The following RBPMS2 variants were observed in gnomAD, a reference collection of about 807,000 sequenced individuals.
The protein encoded by RBPMS2 is RNA binding protein, mRNA processing factor 2, also known as RNA-binding protein with multiple splicing 2.
In RBPMS2, 14 loss-of-function variants were observed where a neutral mutation model predicts 25.7. The observed-to-expected ratio is 0.55, with a 90% CI of 0.36 to 0.85. RBPMS2 has a LOEUF of 0.85. RBPMS2 is among the 40% of genes least tolerant of loss of function. The pLI is 0.01. For missense variants in RBPMS2, 252 were observed against 283.4 expected (o/e 0.89, Z 0.80); for synonymous variants, 127 against 115.6 (o/e 1.10, Z -0.63).
chr15:64,744,971 C>A (rs1345486745), intron 6 of RBPMS2, among the ~76,000 whole-genome samples: 1 of 151,494 alleles, frequency 6.6e-6, no homozygotes, highest in Non-Finnish European at 1.5e-5. Flanking sequence ...CCCGCCACCA[C>A]GCCCAGCTAA....
chr15:64,775,334 GGCGGCGGGAAGGAACGCGAGGGCGAGC>G lies in RBPMS2; in HGVS notation c.-42_-16del. The G allele has an allele frequency of 7.9e-7, 1 of 1,271,824 alleles. No individual in the cohort carries two copies. 78.8% of individuals were successfully genotyped at this position (1,271,824 alleles called of 1,614,324 possible). On this transcript the variant is annotated 5_prime_UTR_variant, in exon 1 of 8. Coordinates refer to ENST00000300069, the MANE Select transcript of RBPMS2 (RefSeq NM_194272.3). ...AGGTTGCTCATGGTGCGGGGGAGGGGGCGGCGGGAAGGAACGCGAGGGCGAGCGCGGCGCCGGCCCCGCGGGAAGTGG... is the reference window on the plus strand; with the variant it reads ...AGGTTGCTCATGGTGCGGGGGAGGGGGCGGCGCCGGCCCCGCGGGAAGTGG...
chr15:64,775,417 G>A lies in RBPMS2; in HGVS notation c.-98C>T, dbSNP rs2083924326. 3 of 561,564 alleles carry A rather than the reference G, an allele frequency of 5.3e-6. No individual in the cohort carries two copies. Among genetic ancestry groups the A allele is most frequent in the Non-Finnish European group, 7.8e-6 (3 of 385,892 alleles). The allele number at this position is 561,564 out of a possible 1,614,324, so 34.8% of individuals were successfully genotyped here. A position where few individuals can be genotyped will look rare whatever the true frequency, so the allele number is the denominator to read the frequency against. ...GGCGCGGGGAGCGGTGCGCTCGCGG[G>A]TGCGGAGCGGGTGGCGGGGGACCCA... On this transcript the variant is annotated 5_prime_UTR_variant, in exon 1 of 8. Transcript: ENST00000300069.
In RBPMS2 at chr15:64,748,627, A is replaced by T. The variant is rs1372417952; in HGVS notation, c.419-60T>A. The T allele has an allele frequency of 2.7e-6, 4 of 1,505,192 alleles. 1 individual carries two copies. Among genetic ancestry groups the T allele is most frequent in the African/African-American group, 1.4e-5 (1 of 71,172 alleles). 93.2% of individuals were successfully genotyped at this position (1,505,192 alleles called of 1,614,324 possible). A position where few individuals can be genotyped will look rare whatever the true frequency, so the allele number is the denominator to read the frequency against. The stretch of plus-strand genomic sequence containing the variant: ...CACTCGCCTCCCCTTCCAAACGGAG[A>T]AGGGGACCCAGCACTATGGTTGAGC... On this transcript the variant is annotated intron_variant, in intron 5 of 7. Transcript: ENST00000300069.
Position 64,749,262 on chromosome 15 carries a change from A to G in RBPMS2, c.268-112T>C, listed in dbSNP as rs898168968. On this transcript the variant is annotated intron_variant, in intron 4 of 7. Transcript: ENST00000300069. ...AAGCTCGCCTCGAAGACCTGCCCAC[A>G]CGGTGGCTGAGGCAGAGGAAAGGCA... 76 of 1,401,122 alleles carry G rather than the reference A, an allele frequency of 5.4e-5. 1 individual carries two copies. The East Asian group carries it at 1.7e-3, about 32-fold the overall frequency. The allele number at this position is 1,401,122 out of a possible 1,614,324, so 86.8% of individuals were successfully genotyped here. A position where few individuals can be genotyped will look rare whatever the true frequency, so the allele number is the denominator to read the frequency against.
At chr15:64,758,929 T>G (rs1410727988) in intron 1 of RBPMS2, among the ~76,000 whole-genome samples, 2 of 152,218 alleles carry the variant, frequency 1.3e-5, no homozygotes, top group African/African-American at 4.8e-5. Flanking sequence ...TATTTTTATT[T>G]TTAATTAAAA....
intron 1 of RBPMS2, among the ~76,000 whole-genome samples, chr15:64,756,707 ACT>A (rs889224093): frequency 1.4e-5 from 2 of 145,674 alleles, no homozygotes; most frequent in African/African-American, 2.6e-5. Flanking sequence ...AGTGGCACAA[ACT>A]CTGCTCACTG....
intron 1 of RBPMS2, chr15:64,761,075 C>T (rs1001671191): frequency 6.6e-6 from 1 of 150,908 alleles, no homozygotes; most frequent in African/African-American, 2.4e-5. Flanking sequence ...CCTTTAGCAT[C>T]TCTAAAAGTT....
At chr15:64,773,100 C>G (rs2083903628) in intron 1 of RBPMS2, among the ~76,000 whole-genome samples, 1 of 152,176 alleles carries the variant, frequency 6.6e-6, no homozygotes, top group South Asian at 2.1e-4. Flanking sequence ...TCGCTAGTCT[C>G]CAAGAGTTGA....
intron 1 of RBPMS2, among the ~76,000 whole-genome samples, chr15:64,754,767 T>A (rs1311330859): frequency 3.3e-5 from 5 of 150,492 alleles, no homozygotes. Context: ...AGGTGATGGG[T>A]GCTTTGGGTG....
intron 1 of RBPMS2, among the ~76,000 whole-genome samples, chr15:64,765,888 G>A (rs527362863): frequency 9.7e-4 from 147 of 152,176 alleles, no homozygotes; most frequent in African/African-American, 3.2e-3. Context: ...AGCTACTCAG[G>A]AGGCTGAGGC....
chr15:64,742,792 G>A (rs376175759), intron 6 of RBPMS2, among the ~76,000 whole-genome samples: 51 of 152,296 alleles, frequency 3.3e-4, no homozygotes, highest in African/African-American at 1.2e-3. Flanking sequence ...CTTGAGGTTG[G>A]AGCAGGCAGA....
At chr15:64,763,769 A>C (rs1387579241) in intron 1 of RBPMS2, among the ~76,000 whole-genome samples, 1 of 135,056 alleles carries the variant, frequency 7.4e-6, no homozygotes, top group Non-Finnish European at 1.6e-5. Context: ...TCTTCCTCAT[A>C]ATGTGCAATG....
At chr15:64,753,700 G>A (rs968986003) in intron 1 of RBPMS2, among the ~76,000 whole-genome samples, 2 of 152,070 alleles carry the variant, frequency 1.3e-5, no homozygotes, top group South Asian at 2.1e-4. Context: ...CTTGGGACAC[G>A]TCTTCCCCTC....
In RBPMS2 at chr15:64,750,389, G is replaced by A; in HGVS notation, c.166-8C>T. 1.9e-6 allele frequency: 3 copies of A among 1,613,388 alleles called. No individual in the cohort carries two copies. The highest frequency in any genetic ancestry group is 1.7e-6 in the Non-Finnish European group (2 of 1,179,336). On this transcript the variant is annotated splice_polypyrimidine_tract_variant and splice_region_variant and intron_variant, in intron 2 of 7. Transcript: ENST00000300069. ...CAGGGACCCTTCATACCCCTGCGGA[G>A]AGAGGTGGCTGTTACCGTGGAAGGT...
intron 1 of RBPMS2, among the ~76,000 whole-genome samples, chr15:64,766,848 C>T (rs1231200184): frequency 6.6e-6 from 1 of 151,742 alleles, no homozygotes; most frequent in South Asian, 2.1e-4. Flanking sequence ...TTTTTGAGAC[C>T]AAGTCTCATT....
At chr15:64,743,474 C>T (rs1199909150) in intron 6 of RBPMS2, among the ~76,000 whole-genome samples, 4 of 152,248 alleles carry the variant, frequency 2.6e-5, no homozygotes, top group South Asian at 2.1e-4. Flanking sequence ...GCTGCTTTTC[C>T]GCTTCCTCCG....
At chr15:64,766,849 A>C (rs1049015794) in intron 1 of RBPMS2, among the ~76,000 whole-genome samples, 1 of 151,884 alleles carries the variant, frequency 6.6e-6, no homozygotes, top group African/African-American at 2.4e-5. Flanking sequence ...TTTTGAGACC[A>C]AGTCTCATTA....
intron 1 of RBPMS2, among the ~76,000 whole-genome samples, chr15:64,753,064 T>C (rs574332773): frequency 6.6e-6 from 1 of 152,254 alleles, no homozygotes; most frequent in Non-Finnish European, 1.5e-5. Context: ...AAAATTGTGA[T>C]GGGGAAGGGG....
rs779230678 is a variant in RBPMS2 at position 64,748,502 on chromosome 15, T to C, written c.484A>G (p.Thr162Ala). The C allele has an allele frequency of 1.2e-6, 2 of 1,612,020 alleles. No individual in the cohort carries two copies. The highest frequency in any genetic ancestry group is 1.7e-5 in the Admixed American group (1 of 59,758). ...PEAWAPYPLY[T>A]TELTPAISHA... Reference sequence around the variant, plus strand: ...GAGATGGCTGGGGTCAGCTCTGTGGTGTACAAAGGGTAGGGGGCCCAGGCC... The same window carrying C: ...GAGATGGCTGGGGTCAGCTCTGTGGCGTACAAAGGGTAGGGGGCCCAGGCC... The change falls in exon 6 of 8, where the codon ACC becomes GCC. Residue 162 changes from threonine to alanine, a missense_variant. Physicochemically the swap from Thr to Ala is moderately conservative, Grantham distance 58. Transcript: ENST00000300069.
Sources: allele counts gnomAD v4.1 joint callset (sites outside exome capture counted in the v4.1 genomes callset), GRCh38; gene constraint gnomAD v4.1.1; transcripts MANE v1.5; gene names NCBI Gene and HGNC (gene_info 2026-07-23, HGNC 2026-07-21).